Variants in ALDOB observed in about 807,000 individuals in gnomAD.
ALDOB encodes fructose-bisphosphate aldolase B.
Under a neutral mutation model 41.0 loss-of-function variants are expected in ALDOB, and 39 were observed. The ratio of observed to expected loss-of-function variants is 0.95; its 90% CI spans 0.74 to 1.24. ALDOB has a LOEUF of 1.24. Ranked by LOEUF, ALDOB falls within the 50% of genes most tolerant of loss-of-function variation. The pLI is 0.00. For missense variants in ALDOB, 530 were observed against 457.3 expected, an observed-to-expected ratio of 1.16 and a Z score of -1.45; for synonymous variants, 175 against 168.8, an observed-to-expected ratio of 1.04 and a Z score of -0.28.
intron 7 of ALDOB, among the ~76,000 whole-genome samples, 188 bp from the exon 8 acceptor site, chr9:101,425,230 C>T (rs1001352301): frequency 2.0e-5 from 3 of 152,100 alleles, no homozygotes; most frequent in African/African-American, 4.8e-5. Context: ...GCTTTAAATA[C>T]GTAAGGAAGG....
chr9:101,425,682 T>C, intron 6 of ALDOB, 55 bp from the exon 7 acceptor site: 1 of 1,589,104 alleles, frequency 6.3e-7, no homozygotes, highest in Non-Finnish European at 8.6e-7. Context: ...TAGAGCCACT[T>C]GACCTTGGCA....
At chr9:101,431,439 G>T (rs1323055569) in intron 1 of ALDOB, among the ~76,000 whole-genome samples, 1 of 152,206 alleles carries the variant, frequency 6.6e-6, no homozygotes, top group African/African-American at 2.4e-5. Context: ...GCTACAGAGG[G>T]TTGGGTGCAA....
At chr9:101,429,107 G>A (rs146363819) in intron 3 of ALDOB, among the ~76,000 whole-genome samples, 4 of 151,082 alleles carry the variant, frequency 2.6e-5, no homozygotes, top group East Asian at 1.9e-4. Context: ...CAATAATTAC[G>A]CAATATAAAC....
At chr9:101,430,943 C>A (rs1335614134) in intron 1 of ALDOB, 46 bp from the exon 2 acceptor site, 1 of 1,322,534 alleles carries the variant, frequency 7.6e-7, no homozygotes, top group East Asian at 2.3e-5. Flanking sequence ...ATGGGTGGCT[C>A]AGATGGATGC....
intron 3 of ALDOB, among the ~76,000 whole-genome samples, chr9:101,429,242 C>T (rs1831178363): frequency 6.6e-6 from 1 of 151,312 alleles, no homozygotes; most frequent in Admixed American, 6.6e-5. Context: ...CAGCTTCGAC[C>T]TCCAGGGCTC....
At chr9:101,424,403 A>G (rs186233516) in intron 8 of ALDOB, among the ~76,000 whole-genome samples, 1 of 151,974 alleles carries the variant, frequency 6.6e-6, no homozygotes, top group East Asian at 1.9e-4. Flanking sequence ...TGGGTGACAG[A>G]GTAACACTCC....
chr9:101,425,530 G>T lies in ALDOB; in HGVS notation c.722C>A (p.Thr241Asn), dbSNP rs774265180. Reference sequence around the variant, plus strand: ...TACTTGTTCTGGAGTATACTTCTTGGTGCAGGCATGTCCAGCAGTCACCAT... The same window carrying T: ...TACTTGTTCTGGAGTATACTTCTTGTTGCAGGCATGTCCAGCAGTCACCAT... The part of the protein sequence containing the change: ...PNMVTAGHAC[T>N]KKYTPEQVAM... Residue 241 changes from threonine (T) to asparagine (N), a missense_variant, in exon 7 of 9, where the codon ACC becomes AAC. Coordinates refer to ENST00000647789, the MANE Select transcript of ALDOB (RefSeq NM_000035.4). The T allele has an allele frequency of 6.2e-7, 1 of 1,614,138 alleles. No homozygotes were observed. Among genetic ancestry groups the T allele is most frequent in the East Asian group, 2.2e-5 (1 of 44,860 alleles).
chr9:101,423,961 T>C (rs919125699), intron 8 of ALDOB, among the ~76,000 whole-genome samples: 1 of 152,236 alleles, frequency 6.6e-6, no homozygotes, highest in African/African-American at 2.4e-5. Context: ...GCAACCTTTC[T>C]GGGTCTTTTT....
chr9:101,424,940 G>T lies in ALDOB; in HGVS notation c.902C>A (p.Ser301Tyr). Residue 301 changes from serine to tyrosine, a missense_variant, in exon 8 of 9, where the codon TCT becomes TAT. Transcript: ENST00000647789. ...PLPKPWKLSF[S>Y]YGRALQASAL... The stretch of plus-strand genomic sequence containing the variant: ...ACTGGCCTGCAGGGCCCGTCCATAA[G>T]AGAAACTTAGTTTCCAGGGCTTTGG... 1 of 1,614,184 alleles carries T rather than the reference G, an allele frequency of 6.2e-7. No homozygotes were observed. Among genetic ancestry groups the T allele is most frequent in the Non-Finnish European group, 8.5e-7 (1 of 1,180,016 alleles).
chr9:101,421,784 G>A lies in ALDOB; in HGVS notation c.*25C>T. Reference sequence around the variant, plus strand: ...TTCAGCCCTCCTACTAGAAGCACTGGAGCTAGGCTGGCGGGCATTGGACCC... The same window carrying A: ...TTCAGCCCTCCTACTAGAAGCACTGAAGCTAGGCTGGCGGGCATTGGACCC... On this transcript the variant is annotated 3_prime_UTR_variant, in exon 9 of 9. Coordinates refer to ENST00000647789, the MANE Select transcript of ALDOB (RefSeq NM_000035.4). 1 of 1,604,478 alleles carries A rather than the reference G, an allele frequency of 6.2e-7. No homozygotes were observed. The highest frequency in any genetic ancestry group is 8.5e-7 in the Non-Finnish European group (1 of 1,171,646).
At chr9:101,426,138 T>C (rs1174308673) in intron 6 of ALDOB, among the ~76,000 whole-genome samples, 1 of 152,166 alleles carries the variant, frequency 6.6e-6, no homozygotes, top group East Asian at 1.9e-4. Flanking sequence ...TTTCTCACAG[T>C]GTATGAATAG....
intron 1 of ALDOB, among the ~76,000 whole-genome samples, chr9:101,432,191 T>A (rs780941049): frequency 5.3e-5 from 8 of 152,202 alleles, no homozygotes; most frequent in Non-Finnish European, 1.0e-4. Flanking sequence ...AAGGTATAAC[T>A]GATGATCTCA....
At chr9:101,430,713 G>A in intron 2 of ALDOB, 63 bp downstream of exon 2, 1 of 1,252,306 alleles carries the variant, frequency 8.0e-7, no homozygotes, top group Non-Finnish European at 1.2e-6. Context: ...TTATCAAGTT[G>A]TTTTTGCTAA....
intron 7 of ALDOB, 64 bp downstream of exon 7, chr9:101,425,389 A>AATGAG (rs1831110922): frequency 1.0e-5 from 16 of 1,580,274 alleles, no homozygotes; most frequent in Non-Finnish European, 1.3e-5. Flanking sequence ...GACAAACAGA[A>AATGAG]AGCTTGTGGC....
intron 1 of ALDOB, among the ~76,000 whole-genome samples, chr9:101,433,002 T>C (rs1831242619): frequency 6.6e-6 from 1 of 152,230 alleles, no homozygotes; most frequent in Non-Finnish European, 1.5e-5. Flanking sequence ...CTAATCTAGC[T>C]GGAACCTCAG....
chr9:101,428,074 C>A (rs1831156594), intron 4 of ALDOB, among the ~76,000 whole-genome samples: 2 of 152,156 alleles, frequency 1.3e-5, no homozygotes, highest in South Asian at 4.1e-4. Context: ...TGTGATAGAA[C>A]CAGGATTCAA....
intron 1 of ALDOB, among the ~76,000 whole-genome samples, chr9:101,435,196 C>T (rs1348881056): frequency 6.6e-6 from 1 of 151,962 alleles, no homozygotes; most frequent in African/African-American, 2.4e-5. Context: ...TGGGTGAAGG[C>T]GAAGGGCAAA....
At chr9:101,421,946 G>A (rs747824960) in intron 8 of ALDOB, 42 bp from the exon 9 acceptor site, 11 of 1,537,700 alleles carry the variant, frequency 7.2e-6, no homozygotes, top group Admixed American at 3.4e-5. Context: ...TAGAGTAAAT[G>A]TGACCCCACC....
intron 2 of ALDOB, among the ~76,000 whole-genome samples, chr9:101,430,403 C>G (rs1386507100): frequency 6.6e-6 from 1 of 152,216 alleles, no homozygotes; most frequent in Non-Finnish European, 1.5e-5. Context: ...AAGCCCTGTC[C>G]TATTCCAGAT....
Sources: allele counts gnomAD v4.1 joint callset (sites outside exome capture counted in the v4.1 genomes callset), GRCh38; gene constraint gnomAD v4.1.1; transcripts MANE v1.5; gene names NCBI Gene and HGNC (gene_info 2026-07-23, HGNC 2026-07-21).